TANGO2: variants seen among roughly 807,000 people sequenced by gnomAD.
TANGO2 encodes transport and Golgi organization protein 2 homolog.
TANGO2 carries 26 observed loss-of-function variants against 39.1 expected under a neutral mutation model. The observed-to-expected ratio is 0.67, with a 90% CI of 0.49 to 0.92. The LOEUF (loss-of-function observed/expected upper bound fraction) is 0.92, where lower values mean the gene tolerates loss of function less well. Ranked by LOEUF, TANGO2 falls within the 40% of genes least tolerant of loss-of-function variation. TANGO2 has a pLI of 0.00. For synonymous variants in TANGO2, 131 were observed against 144.5 expected, an observed-to-expected ratio of 0.91 and a Z score of 0.67; for missense variants, 326 against 360.1, an observed-to-expected ratio of 0.91 and a Z score of 0.77.
intron 6 of TANGO2, chr22:20,056,325 C>T (rs768025732): frequency 1.3e-5 from 8 of 592,958 alleles, no homozygotes; most frequent in South Asian, 1.2e-4. Flanking sequence ...CCAGTGTGCC[C>T]TGTGCCTGTT....
chr22:20,022,707 C>T (rs912156136), intron 1 of TANGO2, among the ~76,000 whole-genome samples: 2 of 152,228 alleles, frequency 1.3e-5, no homozygotes, highest in Admixed American at 6.5e-5. Context: ...CGCCAGACGG[C>T]GAACTTGGAG....
chr22:20,044,815 A>G (rs536940940), intron 3 of TANGO2, among the ~76,000 whole-genome samples: 1 of 152,306 alleles, frequency 6.6e-6, no homozygotes, highest in East Asian at 1.9e-4. Context: ...GTGGCGGCTC[A>G]GAGGGTTACC....
At chr22:20,038,278 C>G (rs955863665) in intron 2 of TANGO2, among the ~76,000 whole-genome samples, 1 of 152,148 alleles carries the variant, frequency 6.6e-6, no homozygotes, top group Non-Finnish European at 1.5e-5. Flanking sequence ...TCCAATGCTG[C>G]GAGACAATAG....
chr22:20,057,000 C>G (rs1569325387), intron 6 of TANGO2: 1 of 453,464 alleles, frequency 2.2e-6, no homozygotes, highest in African/African-American at 2.0e-5. Context: ...CCCTCACACC[C>G]CTGGCTCCTC....
upstream of TANGO2, chr22:20,017,046 C>CGGT (rs1945234953): frequency 6.6e-6 from 1 of 152,142 alleles, no homozygotes; most frequent in African/African-American, 2.4e-5. Context: ...TCTGCGGCGG[C>CGGT]GGTGGCAGGG....
rs1179208421 is a variant in TANGO2 at position 20,053,463 on chromosome 22, A to T, written c.292A>T (p.Thr98Ser). The change falls in exon 5 of 9, where the codon ACT becomes TCT. Residue 98 changes from threonine to serine, a missense_variant. Physicochemically the swap from Thr to Ser is moderately conservative, Grantham distance 58 (BLOSUM62 1). Coordinates refer to ENST00000327374, the MANE Select transcript of TANGO2 (RefSeq NM_152906.7). ...RGELVTHFLT[T>S]DVDSLSYLKK... ...TGAACTTGTCACCCACTTTCTGACC[A>T]CTGACGTGGACAGCTTGTCCTACCT... 6.2e-7 allele frequency: 1 copy of T among 1,613,538 alleles called. No individual in the cohort carries two copies. Among genetic ancestry groups the T allele is most frequent in the African/African-American group, 1.3e-5 (1 of 74,902 alleles).
chr22:20,050,333 T>C (rs1327853397), intron 3 of TANGO2, among the ~76,000 whole-genome samples: 1 of 151,928 alleles, frequency 6.6e-6, no homozygotes, highest in African/African-American at 2.4e-5. Flanking sequence ...TTGTCACTCA[T>C]TTTTCATTAA....
At chr22:20,061,891 G>GGGCCCAGGCCCA (rs3217042) in intron 7 of TANGO2, 20 of 616,876 alleles carry the variant, frequency 3.2e-5, no homozygotes, top group South Asian at 5.0e-5. Flanking sequence ...GACAGAAGAT[G>GGGCCCAGGCCCA]GGCCCAGGCC....
chr22:20,037,716 G>A (rs951568253), intron 2 of TANGO2, among the ~76,000 whole-genome samples: 2 of 152,188 alleles, frequency 1.3e-5, no homozygotes, highest in African/African-American at 4.8e-5. Flanking sequence ...CTGCAGGGAA[G>A]GTGGAAGAAA....
rs374546390 is a variant in TANGO2, at chr22:20,046,293, A to G, written c.145+2850A>G. Among the ~76,000 whole-genome samples, 52 of 151,376 alleles carry G rather than the reference A, an allele frequency of 3.4e-4. 2 individuals are homozygous for G. Among genetic ancestry groups the G allele is most frequent in the Non-Finnish European group, 7.2e-4 (49 of 67,844 alleles). ...CCCTAGTAGCTGGGACTACAAGTGC[A>G]CATCACCATGCCCAGCTAATTTTTA... On this transcript the variant is annotated intron_variant, in intron 3 of 8. Transcript: ENST00000327374.
chr22:20,061,802 A>C (rs2048440946), intron 7 of TANGO2, 119 bp downstream of exon 7: 1 of 1,290,838 alleles, frequency 7.7e-7, no homozygotes, highest in Non-Finnish European at 1.0e-6. Flanking sequence ...CCCCAGCTGC[A>C]GGGAAGCTGA....
At chr22:20,036,907 C>T (rs1487218580) in intron 2 of TANGO2, 53 bp downstream of exon 2, 1 of 1,614,166 alleles carries the variant, frequency 6.2e-7, no homozygotes, top group Admixed American at 1.7e-5. Context: ...GGGTGCCCAG[C>T]CAGTTCTCAT....
intron 3 of TANGO2, among the ~76,000 whole-genome samples, chr22:20,049,872 A>T (rs1385814388): frequency 2.6e-5 from 4 of 152,030 alleles, no homozygotes; most frequent in Admixed American, 6.6e-5. Context: ...AACAATACTG[A>T]GTTGTCTAAG....
intron 1 of TANGO2, among the ~76,000 whole-genome samples, chr22:20,024,046 G>A (rs985802643): frequency 7.9e-5 from 12 of 151,650 alleles, no homozygotes; most frequent in African/African-American, 2.9e-4. Context: ...AATTTGCTGG[G>A]CATGGTGGCA....
intron 2 of TANGO2, among the ~76,000 whole-genome samples, chr22:20,042,564 G>C (rs2044167085): frequency 6.6e-6 from 1 of 152,102 alleles, no homozygotes; most frequent in Non-Finnish European, 1.5e-5. Flanking sequence ...AGGAGTTCAA[G>C]ACCAGCTTGG....
At chr22:20,030,890 C>T (rs918452602) in intron 1 of TANGO2, among the ~76,000 whole-genome samples, 5 of 152,066 alleles carry the variant, frequency 3.3e-5, no homozygotes, top group Admixed American at 3.3e-4. Flanking sequence ...AATGAGACCC[C>T]ACCTCTCCAA....
Position 20,057,668 on chromosome 22 carries a change from C to T in TANGO2, c.451+1655C>T, listed in dbSNP as rs1031363665. 1.2e-4 allele frequency among the ~76,000 whole-genome samples: 19 copies of T among 152,254 alleles called. No individual in the cohort carries two copies. The highest frequency in any genetic ancestry group is 5.9e-5 in the Non-Finnish European group (4 of 68,042). On this transcript the variant is annotated intron_variant, in intron 6 of 8. Coordinates refer to ENST00000327374, the MANE Select transcript of TANGO2 (RefSeq NM_152906.7). The surrounding 1 kb of genome is among the most constrained non-coding windows in gnomAD (Gnocchi z 4.1). ...TTCTGGCTGTCTCAGCCAGCTCTTG[C>T]TGTTCCACCTGCCCCAGAACCTCCG...
In TANGO2 at chr22:20,057,107, T is replaced by G. The variant is rs973040506; in HGVS notation, c.451+1094T>G. On this transcript the variant is annotated intron_variant, in intron 6 of 8. Transcript: ENST00000327374. This position sits in a 1 kb window ranked among gnomAD's most constrained non-coding sequence, Gnocchi z 4.1. The stretch of plus-strand genomic sequence containing the variant: ...CACAGGTGCACACCTTCCCACTGGG[T>G]GTACACGGTGGAACTGAAGCCCCAG... 6 of 387,596 alleles carry G rather than the reference T, an allele frequency of 1.5e-5. No individual in the cohort carries two copies. The highest frequency in any genetic ancestry group is 1.0e-4 in the African/African-American group (5 of 48,180). The allele number at this position is 387,596 out of a possible 1,614,324, so 24.0% of individuals were successfully genotyped here.
chr22:20,049,584 C>T (rs1021725381), intron 3 of TANGO2, among the ~76,000 whole-genome samples: 19 of 150,306 alleles, frequency 1.3e-4, no homozygotes, highest in South Asian at 2.1e-4. Context: ...CACTTGAACC[C>T]GGGAGGCGGA....
Sources: gnomAD v4.1 joint callset for allele counts (sites outside exome capture counted in the v4.1 genomes callset) on GRCh38, gnomAD v4.1.1 for gene constraint, Gnocchi (gnomAD v3.1) non-coding constraint, MANE v1.5 for transcripts, NCBI Gene and HGNC (gene_info 2026-07-23, HGNC 2026-07-21) for gene names.